GOLM1: variants seen among roughly 807,000 people sequenced by gnomAD.
GOLM1 encodes golgi membrane protein 1.
In GOLM1, 31 loss-of-function variants were observed where a neutral mutation model predicts 50.5. That is an observed-to-expected ratio of 0.61 (90% CI 0.46 to 0.83). GOLM1 has a LOEUF of 0.83. GOLM1 is among the 40% of genes least tolerant of loss of function. GOLM1 has a pLI of 0.00. For synonymous variants in GOLM1, 178 were observed against 192.8 expected (o/e 0.92, Z 0.64); for missense variants, 491 against 501.3 (o/e 0.98, Z 0.20).
In GOLM1 at chr9:86,056,508, T is replaced by C. The variant is rs866063001; in HGVS notation, c.310-3917A>G. Among the ~76,000 whole-genome samples the C allele has an allele frequency of 3.8e-3, 556 of 145,120 alleles. 3 individuals are homozygous for C. Among genetic ancestry groups the C allele is most frequent in the Non-Finnish European group, 5.7e-3 (372 of 65,538 alleles). ...TTTTATTTATTTTTTATTTAAATTTTTTTTTTTTTTTTTTTTGAGACGAAG... is the reference window on the plus strand; with the variant it reads ...TTTTATTTATTTTTTATTTAAATTTCTTTTTTTTTTTTTTTTGAGACGAAG... On this transcript the variant is annotated intron_variant, in intron 3 of 9. Coordinates refer to ENST00000388712, the MANE Select transcript of GOLM1 (RefSeq NM_016548.4).
chr9:86,045,667 C>T lies in GOLM1; in HGVS notation c.467+803G>A, dbSNP rs538847397. Among the ~76,000 whole-genome samples the T allele has an allele frequency of 8.3e-5, 12 of 143,726 alleles. No individual in the cohort carries two copies. In the South Asian group the frequency reaches 2.6e-3, roughly 31 times the overall value. The allele number at this position is 143,726 out of a possible 152,430, so 94.3% of individuals were successfully genotyped here. A position where few individuals can be genotyped will look rare whatever the true frequency, so the allele number is the denominator to read the frequency against. The stretch of plus-strand genomic sequence containing the variant: ...TCCAGCATGGGGGACAGCGAGACTC[C>T]GCTCAAGAAAAAAAAAAAAAAAGTA... On this transcript the variant is annotated intron_variant, in intron 5 of 9. Coordinates refer to ENST00000388712, the MANE Select transcript of GOLM1 (RefSeq NM_016548.4).
chr9:86,075,091 C>A (rs1317749010), intron 3 of GOLM1, among the ~76,000 whole-genome samples: 1 of 152,186 alleles, frequency 6.6e-6, no homozygotes, highest in Non-Finnish European at 1.5e-5. Context: ...TGCCTTGCCC[C>A]TTCCACCAGG....
At chr9:86,062,498 AGAG>A (rs1419343649) in intron 3 of GOLM1, among the ~76,000 whole-genome samples, 2 of 150,238 alleles carry the variant, frequency 1.3e-5, no homozygotes, top group Admixed American at 6.6e-5. Flanking sequence ...GGAGGGAGGA[AGAG>A]GAGGAGGGAG....
intron 5 of GOLM1, among the ~76,000 whole-genome samples, chr9:86,043,783 G>A (rs1587703811): frequency 6.6e-6 from 1 of 152,140 alleles, no homozygotes; most frequent in Non-Finnish European, 1.5e-5. Flanking sequence ...TCCACCCATC[G>A]CCTCGGCCCA....
At chr9:86,088,450 A>ATATATG (rs1563969046) in intron 1 of GOLM1, among the ~76,000 whole-genome samples, 3 of 130,778 alleles carry the variant, frequency 2.3e-5, no homozygotes, top group African/African-American at 9.0e-5. Flanking sequence ...ATATATATAT[A>ATATATG]TATATATTTA....
At chr9:86,096,831 C>T (rs1045630738) in intron 1 of GOLM1, among the ~76,000 whole-genome samples, 2 of 152,102 alleles carry the variant, frequency 1.3e-5, no homozygotes, top group African/African-American at 4.8e-5. Context: ...AACAAATGCA[C>T]ATACAGAAGA....
chr9:86,050,661 A>G (rs1032322358), intron 4 of GOLM1, among the ~76,000 whole-genome samples: 1 of 152,096 alleles, frequency 6.6e-6, no homozygotes, highest in Non-Finnish European at 1.5e-5. Flanking sequence ...AGAGGTGTTT[A>G]TAGTATTCTC....
chr9:86,034,308 GTC>G (rs1833070661), intron 8 of GOLM1, among the ~76,000 whole-genome samples: 1 of 152,130 alleles, frequency 6.6e-6, no homozygotes, highest in Non-Finnish European at 1.5e-5. Context: ...AGCAGCTCTA[GTC>G]TCTTTCTCTG....
At chr9:86,045,942 T>G (rs1439426486) in intron 5 of GOLM1, among the ~76,000 whole-genome samples, 1 of 152,190 alleles carries the variant, frequency 6.6e-6, no homozygotes, top group African/African-American at 2.4e-5. Flanking sequence ...ATCCTCTGGC[T>G]TGCAAACTGG....
At chr9:86,040,358 G>A (rs574889718) in intron 6 of GOLM1, among the ~76,000 whole-genome samples, 32 of 152,176 alleles carry the variant, frequency 2.1e-4, no homozygotes, top group Non-Finnish European at 4.6e-4. Context: ...ATGACAGCAC[G>A]AGACATGGAG....
Position 86,027,585 on chromosome 9 carries a change from T to C in GOLM1, c.*232A>G. Reference sequence around the variant, plus strand: ...GGTGTTGAACTTCTCACGAAATACCTACTACCAAAAATTGTGACACCTTAT... The same window carrying C: ...GGTGTTGAACTTCTCACGAAATACCCACTACCAAAAATTGTGACACCTTAT... On this transcript the variant is annotated 3_prime_UTR_variant, in exon 10 of 10. Transcript: ENST00000388712. 1 of 1,307,688 alleles carries C rather than the reference T, an allele frequency of 7.6e-7. No individual in the cohort carries two copies. Among genetic ancestry groups the C allele is most frequent in the Non-Finnish European group, 9.7e-7 (1 of 1,030,978 alleles). The allele number at this position is 1,307,688 out of a possible 1,614,324, so 81.0% of individuals were successfully genotyped here. A position where few individuals can be genotyped will look rare whatever the true frequency, so the allele number is the denominator to read the frequency against.
At chr9:86,045,720 A>G (rs1237276344) in intron 5 of GOLM1, among the ~76,000 whole-genome samples, 1 of 151,846 alleles carries the variant, frequency 6.6e-6, no homozygotes, top group Non-Finnish European at 1.5e-5. Flanking sequence ...ACACACGTAC[A>G]TAACGCAAGT....
At position 86,027,542 on chromosome 9, in the gene GOLM1, G is replaced by T. The variant is rs557976173; in HGVS notation, c.*275C>A. ...CCCGCTGTCGCCAACACTTGAAGGAGAACTATGTTCCAGTTTTGGTGTTGA... is the reference window on the plus strand; with the variant it reads ...CCCGCTGTCGCCAACACTTGAAGGATAACTATGTTCCAGTTTTGGTGTTGA... On this transcript the variant is annotated 3_prime_UTR_variant, in exon 10 of 10. Coordinates refer to ENST00000388712, the MANE Select transcript of GOLM1 (RefSeq NM_016548.4). The T allele has an allele frequency of 1.4e-3, 1,739 of 1,238,100 alleles. 3 individuals are homozygous for T. The highest frequency in any genetic ancestry group is 7.1e-3 in the Middle Eastern group (22 of 3,090). 76.7% of individuals were successfully genotyped at this position (1,238,100 alleles called of 1,614,324 possible). A position where few individuals can be genotyped will look rare whatever the true frequency, so the allele number is the denominator to read the frequency against.
In GOLM1 at chr9:86,078,346, G is replaced by A. The variant is rs115527313; in HGVS notation, c.130-755C>T. On this transcript the variant is annotated intron_variant, in intron 2 of 9. Coordinates refer to ENST00000388712, the MANE Select transcript of GOLM1 (RefSeq NM_016548.4). ...GGAGAGGGAAATTGTGCTCAATGCC[G>A]AACACATCAAAGACAGCTAGGGATT... Among the ~76,000 whole-genome samples, 910 of 152,274 alleles carry A rather than the reference G, an allele frequency of 6.0e-3. 9 individuals are homozygous for A. Among genetic ancestry groups the A allele is most frequent in the African/African-American group, 0.02 (832 of 41,548 alleles).
chr9:86,089,977 G>A (rs1178285278), intron 1 of GOLM1, among the ~76,000 whole-genome samples: 2 of 152,144 alleles, frequency 1.3e-5, no homozygotes, highest in East Asian at 1.9e-4. Flanking sequence ...ATTCCTTTCT[G>A]TTAGTTTCCC....
chr9:86,028,029 A>AGTT (rs1832839803), intron 9 of GOLM1, 136 bp from the exon 10 acceptor site: 1 of 602,096 alleles, frequency 1.7e-6, no homozygotes, highest in Non-Finnish European at 2.9e-6. Context: ...TGTAATTGGG[A>AGTT]GTTGTATTCC....
chr9:86,083,893 T>C (rs374892398), intron 1 of GOLM1, among the ~76,000 whole-genome samples: 3 of 152,350 alleles, frequency 2.0e-5, no homozygotes, highest in East Asian at 3.9e-4. Context: ...TCAGAACTTA[T>C]CTGAAGCTAC....
intron 9 of GOLM1, 139 bp downstream of exon 9, chr9:86,033,143 C>G (rs2118628221): frequency 1.6e-6 from 1 of 616,210 alleles, no homozygotes; most frequent in South Asian, 2.0e-5. Flanking sequence ...GGTTTAAAAG[C>G]TCCTAAAGAA....
intron 3 of GOLM1, among the ~76,000 whole-genome samples, chr9:86,053,132 C>CACCAA (rs1833826362): frequency 7.8e-6 from 1 of 128,262 alleles, no homozygotes; most frequent in Non-Finnish European, 1.7e-5. Flanking sequence ...CCACACACCA[C>CACCAA]ACCAAACCAC....
Sources: gnomAD v4.1 joint callset for allele counts (sites outside exome capture counted in the v4.1 genomes callset) on GRCh38, gnomAD v4.1.1 for gene constraint, MANE v1.5 for transcripts, NCBI Gene and HGNC (gene_info 2026-07-23, HGNC 2026-07-21) for gene names.